Variants in GPC3 observed in about 807,000 individuals in gnomAD.
The protein encoded by GPC3 is glypican-3.
GPC3 carries 3 observed loss-of-function variants against 34.4 expected under a neutral mutation model. That is an observed-to-expected ratio of 0.09 (90% confidence interval 0.04 to 0.23). The LOEUF (loss-of-function observed/expected upper bound fraction) is 0.23, where lower values mean the gene tolerates loss of function less well. Among genes scored for constraint, GPC3 ranks in the 10% least tolerant of loss-of-function variants. The pLI, the probability that GPC3 is intolerant of heterozygous loss-of-function variation, is 1.00. For synonymous variants in GPC3, 177 were observed against 174.0 expected (o/e 1.02, Z -0.13); for missense variants, 351 against 445.6 (o/e 0.79, Z 1.91).
intron 6 of GPC3, among the ~76,000 whole-genome samples, chrX:133,611,800 G>A (rs2070115337): frequency 8.9e-6 from 1 of 112,065 alleles, no homozygotes; most frequent in Non-Finnish European, 1.9e-5. Flanking sequence ...GGACTACCAT[G>A]ACATTTCAGA....
chrX:133,768,986 C>T (rs181735454), intron 2 of GPC3, among the ~76,000 whole-genome samples: 51 of 111,290 alleles, frequency 4.6e-4, no homozygotes, highest in African/African-American at 1.4e-3. Flanking sequence ...AAATGTTACA[C>T]GCACATATGC....
At position 133,937,008 on chromosome X, in the gene GPC3, G is replaced by GCAGA. The variant is rs1311751267; in HGVS notation, c.337+16038_337+16041dup. ...TCCACAGAGCCTCGGGTTCTTCCAG[G>GCAGA]CAGACAGACAGACAGACAGGTTTGA... On this transcript the variant is annotated intron_variant, in intron 2 of 7. Coordinates refer to ENST00000370818, the MANE Select transcript of GPC3 (RefSeq NM_004484.4). 9.9e-5 allele frequency among the ~76,000 whole-genome samples: 11 copies of GCAGA among 110,683 alleles called. No homozygotes were observed. The East Asian group carries it at 2.8e-3, about 29-fold the overall frequency.
At chrX:133,647,629 G>A (rs959360406) in intron 6 of GPC3, among the ~76,000 whole-genome samples, 7 of 112,218 alleles carry the variant, frequency 6.2e-5, no homozygotes, top group African/African-American at 1.9e-4. Flanking sequence ...TGGAGAAGGC[G>A]AACAGTCACT....
intron 2 of GPC3, among the ~76,000 whole-genome samples, chrX:133,889,909 C>T (rs905123486): frequency 1.0e-5 from 1 of 99,744 alleles, no homozygotes; most frequent in Non-Finnish European, 2.0e-5. Context: ...AATCTCAACT[C>T]GCTACAAACT....
At chrX:133,607,986 G>A (rs1245909537) in intron 6 of GPC3, among the ~76,000 whole-genome samples, 1 of 112,862 alleles carries the variant, frequency 8.9e-6, no homozygotes, top group African/African-American at 3.2e-5. Flanking sequence ...GCCTGCCTGT[G>A]TGTGTTAATT....
chrX:133,981,336 C>G (rs1190169865), intron 1 of GPC3, among the ~76,000 whole-genome samples: 2 of 111,901 alleles, frequency 1.8e-5, no homozygotes, highest in Non-Finnish European at 3.8e-5. Flanking sequence ...TCTCTGCAAC[C>G]CCAGCACCTA....
intron 3 of GPC3, among the ~76,000 whole-genome samples, chrX:133,719,895 G>C (rs1370722290): frequency 2.7e-5 from 3 of 111,802 alleles, no homozygotes; most frequent in African/African-American, 9.8e-5. Flanking sequence ...CAAAAGGTGG[G>C]CAAAGAACAT....
intron 1 of GPC3, among the ~76,000 whole-genome samples, chrX:133,976,532 A>G (rs778263039): frequency 1.8e-5 from 2 of 112,351 alleles, no homozygotes; most frequent in Admixed American, 1.9e-4. Context: ...ATAAATACAT[A>G]AAACATATCC....
chrX:133,920,352 A>T (rs775436896), intron 2 of GPC3, among the ~76,000 whole-genome samples: 8 of 111,389 alleles, frequency 7.2e-5, no homozygotes, highest in African/African-American at 2.6e-4. Flanking sequence ...ATTTAACATT[A>T]AGCATCAAGA....
At chrX:133,698,643 C>T (rs765944422) in intron 4 of GPC3, among the ~76,000 whole-genome samples, 2 of 111,810 alleles carry the variant, frequency 1.8e-5, no homozygotes, top group African/African-American at 3.3e-5. Context: ...CCACAGAGGA[C>T]GGAGCTTGGG....
At chrX:133,631,573 T>G in intron 6 of GPC3, among the ~76,000 whole-genome samples, 1 of 112,116 alleles carries the variant, frequency 8.9e-6, no homozygotes, top group South Asian at 3.7e-4. Flanking sequence ...TGAACATGAG[T>G]GTTCAAATAT....
At position 133,850,680 on chromosome X, in the gene GPC3, A is replaced by G. The variant is rs2075869722; in HGVS notation, c.338-96504T>C. Among the ~76,000 whole-genome samples the G allele has an allele frequency of 5.4e-5, 6 of 111,333 alleles. No homozygotes were observed. The South Asian group carries it at 2.3e-3, about 43-fold the overall frequency. ...TTGGTGAGCTCATCCTTCCTCATTA[A>G]TGGCAACTTCTCCGCTTAGGGTCCC... is the stretch of plus-strand genomic sequence containing the variant. On this transcript the variant is annotated intron_variant, in intron 2 of 7. Coordinates refer to ENST00000370818, the MANE Select transcript of GPC3 (RefSeq NM_004484.4).
chrX:133,637,429 A>T (rs1395749754), intron 6 of GPC3, among the ~76,000 whole-genome samples: 2 of 110,857 alleles, frequency 1.8e-5, no homozygotes, highest in Admixed American at 9.6e-5. Context: ...AAAAAAAAAT[A>T]AAAAATAAAA....
intron 2 of GPC3, among the ~76,000 whole-genome samples, chrX:133,911,280 A>C (rs1170524901): frequency 1.8e-5 from 2 of 111,933 alleles, no homozygotes; most frequent in Non-Finnish European, 3.8e-5. Context: ...TTGAGCCTCA[A>C]ATACATGCTA....
intron 5 of GPC3, among the ~76,000 whole-genome samples, chrX:133,671,635 G>C (rs1331693258): frequency 4.5e-5 from 5 of 111,809 alleles, no homozygotes; most frequent in African/African-American, 1.6e-4. Context: ...CAAAATCTAG[G>C]AAAGAAACCC....
At chrX:133,544,213 A>G (rs758379273) in intron 7 of GPC3, among the ~76,000 whole-genome samples, 1 of 111,875 alleles carries the variant, frequency 8.9e-6, no homozygotes, top group Non-Finnish European at 1.9e-5. Flanking sequence ...CCTGGGTGAT[A>G]GAGTAAGACC....
intron 7 of GPC3, among the ~76,000 whole-genome samples, chrX:133,568,505 C>CA (rs1779544441): frequency 8.9e-6 from 1 of 111,929 alleles, no homozygotes; most frequent in African/African-American, 3.2e-5. Context: ...TTTAAGGTCT[C>CA]AGATTCGGAG....
chrX:133,852,532 A>G, intron 2 of GPC3, among the ~76,000 whole-genome samples: 1 of 112,149 alleles, frequency 8.9e-6, no homozygotes, highest in Non-Finnish European at 1.9e-5. Context: ...AAATCCTGGA[A>G]AGCAACTAAT....
rs190275444 is a variant in GPC3 at position 133,877,301 on chromosome X, C to T, written c.337+75749G>A. Among the ~76,000 whole-genome samples the T allele has an allele frequency of 1.7e-4, 19 of 111,642 alleles. No homozygotes were observed. The East Asian group carries it at 4.5e-3, about 26-fold the overall frequency. On this transcript the variant is annotated intron_variant, in intron 2 of 7. Coordinates refer to ENST00000370818, the MANE Select transcript of GPC3 (RefSeq NM_004484.4). The stretch of plus-strand genomic sequence containing the variant: ...CAGTTAAATCACTATAGATCTGTCA[C>T]CAAGTTTTACTACAACAGTGGTAAA...
Sources: gnomAD v4.1 joint callset for allele counts (sites outside exome capture counted in the v4.1 genomes callset) on GRCh38, gnomAD v4.1.1 for gene constraint, MANE v1.5 for transcripts, NCBI Gene and HGNC (gene_info 2026-07-23, HGNC 2026-07-21) for gene names.